Variants in MANEA observed in about 807,000 individuals in gnomAD.
MANEA encodes mannosidase endo-alpha.
Under a neutral mutation model 36.8 loss-of-function variants are expected in MANEA, and 25 were observed. That is an observed-to-expected ratio of 0.68 (90% confidence interval 0.50 to 0.95). The LOEUF is 0.95. Ranked by LOEUF, MANEA falls within the 40% of genes least tolerant of loss-of-function variation. The probability of loss-of-function intolerance (pLI) is 0.00; values close to 1 mark genes in which losing one functional copy is unlikely to be tolerated. For missense variants in MANEA, 565 were observed against 558.8 expected, an observed-to-expected ratio of 1.01 and a Z score of -0.11; for synonymous variants, 198 against 188.5, an observed-to-expected ratio of 1.05 and a Z score of -0.41.
intron 2 of MANEA, among the ~76,000 whole-genome samples, chr6:95,589,096 A>C (rs1769338247): frequency 6.6e-6 from 1 of 150,980 alleles, no homozygotes; most frequent in Non-Finnish European, 1.5e-5. Context: ...ATTAAAAAAT[A>C]AACTTGATAA....
chr6:95,596,791 C>T lies in MANEA; in HGVS notation c.599C>T (p.Pro200Leu). The T allele has an allele frequency of 6.2e-7, 1 of 1,608,208 alleles. No homozygotes were observed. The highest frequency in any genetic ancestry group is 1.1e-5 in the South Asian group (1 of 90,868). Residue 200 changes from proline (P) to leucine (L), a missense_variant, in exon 3 of 5, where the codon CCT becomes CTT. By Grantham distance (98) the Pro-to-Leu change is moderately conservative. Coordinates refer to ENST00000358812, the MANE Select transcript of MANEA (RefSeq NM_024641.4). ...GATGTAAATGATGAAAATGGAGAAC[C>T]TACTGATAACTTGGTACCCACTATT... ...PPDVNDENGEPTDNLVPTILD... is the reference protein window; with the variant it reads ...PPDVNDENGELTDNLVPTILD...
rs1431567292 is a variant in MANEA at position 95,591,570 on chromosome 6, T to C, written c.544+4587T>C. On this transcript the variant is annotated intron_variant, in intron 2 of 4. Coordinates refer to ENST00000358812, the MANE Select transcript of MANEA (RefSeq NM_024641.4). The stretch of plus-strand genomic sequence containing the variant: ...TTTTTCTTTTTTCTATTTTGTTTTT[T>C]AGCAGTCTAAACATGGTATGGTTAC... Among the ~76,000 whole-genome samples the C allele has an allele frequency of 2.0e-5, 3 of 152,174 alleles. No individual in the cohort carries two copies. In the East Asian group the frequency reaches 5.8e-4, roughly 29 times the overall value.
chr6:95,596,972 A>G (rs951358766), intron 3 of MANEA, 126 bp downstream of exon 3: 5 of 449,062 alleles, frequency 1.1e-5, no homozygotes, highest in African/African-American at 2.0e-5. Context: ...TAAATACTAT[A>G]TTTCATAAAG....
At chr6:95,593,452 C>A (rs1472068283) in intron 2 of MANEA, among the ~76,000 whole-genome samples, 1 of 152,090 alleles carries the variant, frequency 6.6e-6, no homozygotes, top group African/African-American at 2.4e-5. Context: ...AATTACTAGA[C>A]CAAGAATGGG....
chr6:95,604,061 G>GGTGTGTGTGTGTGTGTGTGTGTGT lies in MANEA; in HGVS notation c.655-755_655-732dup, dbSNP rs71012509. 1.3e-3 allele frequency among the ~76,000 whole-genome samples: 175 copies of GGTGTGTGTGTGTGTGTGTGTGTGT among 138,378 alleles called. 5 individuals carry two copies. In the Middle Eastern group the frequency reaches 0.015, roughly 12 times the overall value. 90.8% of individuals were successfully genotyped at this position (138,378 alleles called of 152,430 possible). On this transcript the variant is annotated intron_variant, in intron 3 of 4. Transcript: ENST00000358812. The stretch of plus-strand genomic sequence containing the variant: ...GTATGTGTGCGTATATATGTATGTA[G>GGTGTGTGTGTGTGTGTGTGTGTGT]GTGTGTGTGTGTGTGTGTGTGTGTG...
At chr6:95,603,582 T>C (rs1184434949) in intron 3 of MANEA, among the ~76,000 whole-genome samples, 2 of 152,074 alleles carry the variant, frequency 1.3e-5, no homozygotes, top group African/African-American at 4.8e-5. Flanking sequence ...AAATTAATTA[T>C]GTGAAAACAA....
rs376285454 is a variant in MANEA, at chr6:95,605,763, G to A, written c.747G>A (p.Pro249=). 5.0e-6 allele frequency: 8 copies of A among 1,605,918 alleles called. No homozygotes were observed. Among genetic ancestry groups the A allele is most frequent in the Admixed American group, 3.4e-5 (2 of 59,492 alleles). Residue 249 remains proline, a synonymous_variant, in exon 5 of 5, where the codon CCG becomes CCA. Transcript: ENST00000358812. ...TATTTTCTAGATATGGAAATCATCC[G>A]GCCTTTTACAGGTACAAGACGAAGA... ...KYIIDKYGNH[P]AFYRYKTKTG... is the part of the protein sequence containing the mutation.
rs1213608321 is a variant in MANEA, at chr6:95,606,190, A to T, written c.1174A>T (p.Thr392Ser). The T allele has an allele frequency of 6.2e-7, 1 of 1,613,998 alleles. No homozygotes were observed. Among genetic ancestry groups the T allele is most frequent in the Non-Finnish European group, 8.5e-7 (1 of 1,180,008 alleles). The change falls in exon 5 of 5, where the codon ACA (threonine) becomes TCA (serine). Residue 392 changes from threonine (T) to serine (S), a missense_variant. By Grantham distance (58) the Thr-to-Ser change is moderately conservative. Transcript: ENST00000358812. ...AATTGGTCTGAGTGCCGCACTTCAG[A>T]CACGCCCCAGCTTAATTTCTATCAC... ...YEIGLSAALQ[T>S]RPSLISITSF... is the part of the protein sequence containing the mutation.
chr6:95,584,904 C>G (rs184048984), intron 1 of MANEA, among the ~76,000 whole-genome samples: 1 of 152,136 alleles, frequency 6.6e-6, no homozygotes, highest in Non-Finnish European at 1.5e-5. Context: ...TGGGTTCCCC[C>G]GATAGAATAG....
intron 2 of MANEA, among the ~76,000 whole-genome samples, chr6:95,592,391 G>A (rs7743199): frequency 0.6 from 90,810 of 151,974 alleles, 27,543 homozygotes; most frequent in East Asian, 0.87. Context: ...TGATTCCAAC[G>A]TATCTCATTT....
intron 3 of MANEA, among the ~76,000 whole-genome samples, chr6:95,603,368 G>T (rs1031694828): frequency 2.6e-5 from 4 of 151,976 alleles, no homozygotes; most frequent in Non-Finnish European, 5.9e-5. Context: ...TAGGCAATTT[G>T]CTTTCAACTG....
intron 3 of MANEA, among the ~76,000 whole-genome samples, chr6:95,604,339 A>AT (rs543132578): frequency 3.3e-5 from 5 of 151,772 alleles, no homozygotes; most frequent in African/African-American, 9.7e-5. Flanking sequence ...TCTGGACCAT[A>AT]TTTTTTTGGT....
rs144458114 is a variant in MANEA at position 95,605,799 on chromosome 6, T to C, written c.783T>C (p.Ala261=). 7.4e-5 allele frequency: 119 copies of C among 1,613,632 alleles called. No homozygotes were observed. In the African/African-American group the frequency reaches 1.4e-3, roughly 18 times the overall value. Reference sequence around the variant, plus strand: ...GGTACAAGACGAAGACTGGCAATGCTCTTCCTATGTTTTATGTCTATGATT... The same window carrying C: ...GGTACAAGACGAAGACTGGCAATGCCCTTCCTATGTTTTATGTCTATGATT... ...FYRYKTKTGN[A]LPMFYVYDSY... is the part of the protein sequence containing the mutation. The change falls in exon 5 of 5, where the codon GCT becomes GCC. Residue 261 remains alanine (A), a synonymous_variant. Transcript: ENST00000358812.
chr6:95,584,943 GTCTT>G (rs1377355305), intron 1 of MANEA, among the ~76,000 whole-genome samples: 1 of 152,190 alleles, frequency 6.6e-6, no homozygotes, highest in African/African-American at 2.4e-5. Flanking sequence ...AGTTTCACTT[GTCTT>G]TCTTTTCTAT....
rs564189343 is a variant in MANEA at position 95,604,629 on chromosome 6, A to T, written c.655-198A>T. On this transcript the variant is annotated intron_variant, in intron 3 of 4. Coordinates refer to ENST00000358812, the MANE Select transcript of MANEA (RefSeq NM_024641.4). ...TAGGGAGTTGTGAAGATTAACCAAG[A>T]TAATAATATAAAATGTTTAGCATGT... 1.1e-4 allele frequency among the ~76,000 whole-genome samples: 16 copies of T among 152,154 alleles called. No homozygotes were observed. In the South Asian group the frequency reaches 3.1e-3, roughly 30 times the overall value.
chr6:95,594,849 T>G (rs1769456365), intron 2 of MANEA, among the ~76,000 whole-genome samples: 1 of 152,162 alleles, frequency 6.6e-6, no homozygotes, highest in African/African-American at 2.4e-5. Flanking sequence ...CAATTTTGCT[T>G]GGGGCAAACA....
chr6:95,604,951 AT>A, intron 4 of MANEA, 48 bp downstream of exon 4: 1 of 674,036 alleles, frequency 1.5e-6, no homozygotes, highest in Non-Finnish European at 2.4e-6. Context: ...TCCAGTGATA[AT>A]TATTGTTTTA....
intron 1 of MANEA, among the ~76,000 whole-genome samples, chr6:95,577,850 T>C (rs1034749393): frequency 7.2e-5 from 11 of 152,220 alleles, no homozygotes; most frequent in Non-Finnish European, 7.3e-5. Flanking sequence ...AGGCTGTCAC[T>C]CTTAGGCCTG....
chr6:95,605,362 A>T (rs995784567), intron 4 of MANEA, among the ~76,000 whole-genome samples: 1 of 152,314 alleles, frequency 6.6e-6, no homozygotes, highest in East Asian at 1.9e-4. Context: ...TACTGATAAT[A>T]GTCTGTGACA....
Sources: gnomAD v4.1 joint callset for allele counts (sites outside exome capture counted in the v4.1 genomes callset) on GRCh38, gnomAD v4.1.1 for gene constraint, MANE v1.5 for transcripts, NCBI Gene and HGNC (gene_info 2026-07-23, HGNC 2026-07-21) for gene names.